The following PCLO variants were observed in gnomAD, a reference collection of about 807,000 sequenced individuals.
PCLO encodes piccolo presynaptic cytomatrix protein.
PCLO carries 82 observed loss-of-function variants against 427.5 expected under a neutral mutation model. That is an observed-to-expected ratio of 0.19 (90% CI 0.16 to 0.23). The LOEUF (loss-of-function observed/expected upper bound fraction) is 0.23, where lower values mean the gene tolerates loss of function less well. Ranked by LOEUF, PCLO falls within the 10% of genes least tolerant of loss-of-function variation. PCLO has a pLI of 1.00. For synonymous variants in PCLO, 2,357 were observed against 2,155.4 expected, an observed-to-expected ratio of 1.09 and a Z score of -2.59; for missense variants, 6,239 against 6,115.9, an observed-to-expected ratio of 1.02 and a Z score of -0.67.
chr7:83,001,505 AACACACAC>A (rs3035080), intron 3 of PCLO, among the ~76,000 whole-genome samples: 2 of 149,148 alleles, frequency 1.3e-5, no homozygotes, highest in African/African-American at 4.9e-5. Context: ...CACACATACA[AACACACAC>A]ACACACACAC....
Position 82,902,681 on chromosome 7 carries a change from T to C in PCLO, c.13498A>G (p.Thr4500Ala). Residue 4500 changes from threonine (T) to alanine (A), a missense_variant, in exon 9 of 25, where the codon ACA becomes GCA. Coordinates refer to ENST00000333891, the MANE Select transcript of PCLO (RefSeq NM_033026.6). ...ACTGTGTGATCCTTTGAGTCTCTTG[T>C]TATTTTTATCCTTGCGTGAGGAAAG... ...YIFPHARIKI[T>A]RDSKDHTVSG... 3.1e-6 allele frequency: 5 copies of C among 1,598,808 alleles called. No homozygotes were observed. The highest frequency in any genetic ancestry group is 4.3e-6 in the Non-Finnish European group (5 of 1,167,120).
intron 6 of PCLO, among the ~76,000 whole-genome samples, chr7:82,946,148 T>C (rs1450252086): frequency 6.6e-6 from 1 of 152,176 alleles, no homozygotes; most frequent in African/African-American, 2.4e-5. Context: ...AAGGGACATA[T>C]TAACTTAGAT....
intron 3 of PCLO, among the ~76,000 whole-genome samples, chr7:83,008,571 G>C (rs1176460742): frequency 1.5e-5 from 1 of 66,908 alleles, no homozygotes; most frequent in Admixed American, 2.0e-4. Context: ...AAAGTTCACG[G>C]TCTTTCCACC....
intron 3 of PCLO, among the ~76,000 whole-genome samples, chr7:82,992,861 T>A (rs1370199548): frequency 6.6e-6 from 1 of 152,116 alleles, no homozygotes; most frequent in Non-Finnish European, 1.5e-5. Flanking sequence ...GGAATTGTTT[T>A]AAAGTAATTT....
chr7:83,143,549 A>G (rs1791917595), intron 2 of PCLO, among the ~76,000 whole-genome samples: 1 of 151,962 alleles, frequency 6.6e-6, no homozygotes, highest in African/African-American at 2.4e-5. Flanking sequence ...TTTTCACAAT[A>G]ATGCTAACTG....
chr7:83,107,447 A>G (rs1790885818), intron 3 of PCLO, among the ~76,000 whole-genome samples: 1 of 151,348 alleles, frequency 6.6e-6, no homozygotes, highest in Non-Finnish European at 1.5e-5. Context: ...CTGAGATTTA[A>G]ATATGACTTA....
At chr7:82,794,246 T>A (rs1042897685) in intron 22 of PCLO, among the ~76,000 whole-genome samples, 2 of 151,990 alleles carry the variant, frequency 1.3e-5, no homozygotes, top group Admixed American at 1.3e-4. Context: ...TGTGGAGATT[T>A]GTTTTCTTTA....
At chr7:82,853,962 T>C (rs1260413340) in intron 10 of PCLO, among the ~76,000 whole-genome samples, 2 of 152,154 alleles carry the variant, frequency 1.3e-5, no homozygotes, top group Non-Finnish European at 2.9e-5. Flanking sequence ...GAGCTGAAGG[T>C]TTATATAAGA....
At chr7:82,798,497 T>C (rs986922425) in intron 22 of PCLO, among the ~76,000 whole-genome samples, 4 of 152,132 alleles carry the variant, frequency 2.6e-5, no homozygotes, top group Non-Finnish European at 4.4e-5. Context: ...ATATCTCAAG[T>C]ACAACACAAA....
chr7:82,825,825 C>T (rs992077533), intron 18 of PCLO, among the ~76,000 whole-genome samples: 18 of 146,368 alleles, frequency 1.2e-4, no homozygotes, highest in South Asian at 1.1e-3. Flanking sequence ...GTATAATATA[C>T]GTATATATAA....
At chr7:83,093,476 A>ATATATATATC (rs1790435710) in intron 3 of PCLO, among the ~76,000 whole-genome samples, 1 of 52,152 alleles carries the variant, frequency 1.9e-5, no homozygotes, top group Non-Finnish European at 3.4e-5. Context: ...GTGTGTGTAT[A>ATATATATATC]GATATATATA....
chr7:82,879,886 T>C, intron 9 of PCLO: 1 of 440,890 alleles, frequency 2.3e-6, no homozygotes, highest in South Asian at 1.6e-5. Context: ...TACATACAAT[T>C]GTAATTTATA....
At chr7:82,771,198 C>A (rs1040024681) in intron 22 of PCLO, among the ~76,000 whole-genome samples, 3 of 151,752 alleles carry the variant, frequency 2.0e-5, no homozygotes, top group African/African-American at 7.2e-5. Context: ...GAAAATGGAG[C>A]CACTAGCTAG....
intron 3 of PCLO, among the ~76,000 whole-genome samples, chr7:82,995,964 T>C (rs1796486496): frequency 6.6e-6 from 1 of 151,934 alleles, no homozygotes; most frequent in South Asian, 2.1e-4. Context: ...TATCATTATA[T>C]TTAAGGGGAG....
intron 3 of PCLO, among the ~76,000 whole-genome samples, chr7:83,019,437 T>A (rs1328809675): frequency 1.3e-5 from 2 of 151,744 alleles, no homozygotes; most frequent in Non-Finnish European, 2.9e-5. Context: ...TCATAAGTTT[T>A]TTTTTTAACA....
At position 82,921,303 on chromosome 7, in the gene PCLO, CA is replaced by C. The variant is rs1794590096; in HGVS notation, c.11113-4431del. ...AAGCAAAAACAAACAAACAAACAAA[CA>C]AACAAAAACAAAGCTAGGGGCATTA... On this transcript the variant is annotated intron_variant, in intron 6 of 24. Transcript: ENST00000333891. 7.4e-5 allele frequency among the ~76,000 whole-genome samples: 11 copies of C among 149,472 alleles called. 1 individual carries two copies. The highest frequency in any genetic ancestry group is 5.3e-4 in the Admixed American group (8 of 15,058).
chr7:82,966,680 C>T (rs1795782526), intron 3 of PCLO, among the ~76,000 whole-genome samples, 193 bp from the exon 4 acceptor site: 1 of 152,024 alleles, frequency 6.6e-6, no homozygotes, highest in South Asian at 2.1e-4. Flanking sequence ...AACTGTAAAA[C>T]TGTATAGAAT....
At chr7:83,067,244 C>A (rs970908532) in intron 3 of PCLO, among the ~76,000 whole-genome samples, 6 of 152,094 alleles carry the variant, frequency 3.9e-5, no homozygotes, top group African/African-American at 1.2e-4. Flanking sequence ...ACAATCACAT[C>A]ATTGAGATGC....
chr7:82,961,392 T>C (rs10487649), intron 4 of PCLO, among the ~76,000 whole-genome samples: 9,143 of 152,184 alleles, frequency 0.06, 915 homozygotes, highest in African/African-American at 0.21. Context: ...CAAAGGCATA[T>C]TTGGCTGTTT....
Sources: gnomAD v4.1 joint callset for allele counts (sites outside exome capture counted in the v4.1 genomes callset) on GRCh38, gnomAD v4.1.1 for gene constraint, MANE v1.5 for transcripts, NCBI Gene and HGNC (gene_info 2026-07-23, HGNC 2026-07-21) for gene names.